CADM3: variants seen among roughly 807,000 people sequenced by gnomAD.
CADM3 encodes cell adhesion molecule 3.
Under a neutral mutation model 44.9 loss-of-function variants are expected in CADM3, and 11 were observed. The observed-to-expected ratio is 0.25, with a 90% CI of 0.15 to 0.41. The LOEUF (loss-of-function observed/expected upper bound fraction) is 0.41. CADM3 is among the 10% of genes least tolerant of loss of function. CADM3 has a pLI of 1.00. For synonymous variants in CADM3, 207 were observed against 205.2 expected (o/e 1.01, Z -0.08); for missense variants, 426 against 512.0 (o/e 0.83, Z 1.62).
chr1:159,185,668 T>G (rs1408974144), intron 1 of CADM3, among the ~76,000 whole-genome samples: 5 of 152,252 alleles, frequency 3.3e-5, no homozygotes, highest in Non-Finnish European at 1.5e-5. Flanking sequence ...CAATTTCTTC[T>G]GTCTTATAGT....
intron 6 of CADM3, 85 bp from the exon 7 acceptor site, chr1:159,196,806 A>T: frequency 7.5e-7 from 1 of 1,333,914 alleles, no homozygotes; most frequent in Non-Finnish European, 1.0e-6. Flanking sequence ...AGTCCTTGAC[A>T]TCCCTGCTCC....
At chr1:159,187,994 ACTT>A (rs1391930493) in intron 1 of CADM3, among the ~76,000 whole-genome samples, 12 of 148,792 alleles carry the variant, frequency 8.1e-5, no homozygotes, top group Non-Finnish European at 1.8e-4. Flanking sequence ...TTTCCTGCCT[ACTT>A]CTCTCTATTT....
At chr1:159,196,554 C>T in intron 6 of CADM3, 100 bp downstream of exon 6, 2 of 939,306 alleles carry the variant, frequency 2.1e-6, no homozygotes, top group South Asian at 3.0e-5. Flanking sequence ...ATTGTCTGAC[C>T]TGAGCCTCTC....
chr1:159,199,415 AG>A (rs1388896962), intron 7 of CADM3, among the ~76,000 whole-genome samples: 11 of 149,838 alleles, frequency 7.3e-5, no homozygotes, highest in Non-Finnish European at 1.2e-4. Flanking sequence ...GAAGGAAGGA[AG>A]GAAGGAAGGA....
At chr1:159,180,797 G>C (rs1649204132) in intron 1 of CADM3, among the ~76,000 whole-genome samples, 1 of 152,168 alleles carries the variant, frequency 6.6e-6, no homozygotes, top group Admixed American at 6.5e-5. Context: ...AGAACCAGCA[G>C]AGATGAGTGC....
intron 3 of CADM3, 109 bp downstream of exon 3, chr1:159,192,839 G>C: frequency 8.8e-7 from 1 of 1,142,456 alleles, no homozygotes; most frequent in Non-Finnish European, 1.2e-6. Context: ...AAGCACTTTA[G>C]GAAAGTTCAG....
Position 159,187,403 on chromosome 1 carries a change from C to T in CADM3, c.89-4533C>T, listed in dbSNP as rs558813452. On this transcript the variant is annotated intron_variant, in intron 1 of 8. Coordinates refer to ENST00000368125, the MANE Select transcript of CADM3 (RefSeq NM_001127173.3). ...GAAACACAGAATGTCAAAAAAGCCCCCAAAGCACCATCAGAGGCAGAAGGG... is the reference window on the plus strand; with the variant it reads ...GAAACACAGAATGTCAAAAAAGCCCTCAAAGCACCATCAGAGGCAGAAGGG... Among the ~76,000 whole-genome samples, 7 of 152,270 alleles carry T rather than the reference C, an allele frequency of 4.6e-5. No individual in the cohort carries two copies. The South Asian group carries it at 1.2e-3, about 27-fold the overall frequency.
chr1:159,199,328 A>G (rs1157115159), intron 7 of CADM3, among the ~76,000 whole-genome samples: 3 of 151,722 alleles, frequency 2.0e-5, no homozygotes, highest in Admixed American at 2.0e-4. Context: ...AGAAAGAAGG[A>G]AACAGGGCAG....
Position 159,171,829 on chromosome 1 carries a change from G to T in CADM3, c.64G>T (p.Gly22Cys), listed in dbSNP as rs750910575. The T allele has an allele frequency of 8.0e-7, 1 of 1,245,694 alleles. No individual in the cohort carries two copies. Among genetic ancestry groups the T allele is most frequent in the Non-Finnish European group, 1.0e-6 (1 of 993,506 alleles). 77.2% of individuals were successfully genotyped at this position (1,245,694 alleles called of 1,614,324 possible). The stretch of plus-strand genomic sequence containing the variant: ...GCTGTTCGCCTGCTGCTGGGCGCCC[G>T]GCGGGGCCAACCTCTCCCAGGACGG... ...LLLFACCWAP[G>C]GANLSQDDSQ... Residue 22 changes from glycine (G) to cysteine (C), a missense_variant, in exon 1 of 9, where the codon GGC (glycine) becomes TGC (cysteine). Physicochemically the swap from Gly to Cys is radical, Grantham distance 159. Transcript: ENST00000368125.
At chr1:159,197,912 C>T (rs756609298) in intron 7 of CADM3, 2 of 152,218 alleles carry the variant, frequency 1.3e-5, no homozygotes, top group Non-Finnish European at 2.9e-5. Flanking sequence ...GATTCCCACT[C>T]CAGGGGCAGA....
At chr1:159,178,386 C>T (rs1462016775) in intron 1 of CADM3, 2 of 152,146 alleles carry the variant, frequency 1.3e-5, no homozygotes, top group South Asian at 2.1e-4. Flanking sequence ...TTCCCTCAAC[C>T]TTAGCAAAGA....
chr1:159,182,276 C>G (rs1649265692), intron 1 of CADM3, among the ~76,000 whole-genome samples: 1 of 152,222 alleles, frequency 6.6e-6, no homozygotes. Flanking sequence ...CTTCTCCAAC[C>G]TACTGGGCAT....
intron 5 of CADM3, chr1:159,194,812 A>G (rs1463860964): frequency 1.3e-5 from 2 of 152,104 alleles, no homozygotes; most frequent in Non-Finnish European, 2.9e-5. Context: ...ATTTGCCTTT[A>G]GTATGGTTAG....
At chr1:159,179,560 G>A (rs1022936823) in intron 1 of CADM3, among the ~76,000 whole-genome samples, 1 of 152,152 alleles carries the variant, frequency 6.6e-6, no homozygotes, top group Non-Finnish European at 1.5e-5. Context: ...CCCAAATACT[G>A]GCAAGGTAGG....
At chr1:159,178,412 G>C (rs925952858) in intron 1 of CADM3, 52 of 152,044 alleles carry the variant, frequency 3.4e-4, no homozygotes, top group African/African-American at 1.3e-3. Flanking sequence ...CATAACAATG[G>C]GTTATCAGAA....
intron 1 of CADM3, among the ~76,000 whole-genome samples, chr1:159,190,095 A>G (rs1649587353): frequency 1.3e-5 from 2 of 152,074 alleles, no homozygotes; most frequent in South Asian, 4.1e-4. Context: ...TGTACACCCT[A>G]CACTTCTTTC....
At chr1:159,173,285 T>A (rs897306445) in intron 1 of CADM3, among the ~76,000 whole-genome samples, 3 of 152,002 alleles carry the variant, frequency 2.0e-5, no homozygotes, top group Non-Finnish European at 4.4e-5. Flanking sequence ...GAATTTCATC[T>A]GAGGAAAACA....
intron 7 of CADM3, among the ~76,000 whole-genome samples, chr1:159,199,432 TGGAG>T (rs1296539031): frequency 1.6e-5 from 2 of 122,032 alleles, no homozygotes; most frequent in East Asian, 2.6e-4. Flanking sequence ...AAGGAAGAAA[TGGAG>T]GGAGGGAGGG....
intron 3 of CADM3, 116 bp from the exon 4 acceptor site, chr1:159,193,307 C>A: frequency 9.2e-7 from 1 of 1,087,588 alleles, no homozygotes; most frequent in Non-Finnish European, 1.3e-6. Context: ...GTCTTCTACC[C>A]ATCAGAAATT....
Sources: allele counts gnomAD v4.1 joint callset (sites outside exome capture counted in the v4.1 genomes callset), GRCh38; gene constraint gnomAD v4.1.1; transcripts MANE v1.5; gene names NCBI Gene and HGNC (gene_info 2026-07-23, HGNC 2026-07-21).